The following STK24 variants were observed in gnomAD, a reference collection of about 807,000 sequenced individuals.
The protein encoded by STK24 is serine/threonine kinase 24.
Under a neutral mutation model 55.6 loss-of-function variants are expected in STK24, and 21 were observed. The observed-to-expected ratio is 0.38, with a 90% confidence interval of 0.27 to 0.54. The LOEUF (loss-of-function observed/expected upper bound fraction) is 0.54, where lower values mean the gene tolerates loss of function less well. Ranked by LOEUF, STK24 falls within the 20% of genes least tolerant of loss-of-function variation. The probability of loss-of-function intolerance (pLI) is 0.79; values close to 1 mark genes in which losing one functional copy is unlikely to be tolerated. For synonymous variants in STK24, 200 were observed against 215.2 expected (o/e 0.93, Z 0.62); for missense variants, 383 against 538.4 (o/e 0.71, Z 2.86).
At chr13:98,472,683 C>T (rs930546786) in intron 5 of STK24, among the ~76,000 whole-genome samples, 3 of 152,192 alleles carry the variant, frequency 2.0e-5, no homozygotes, top group African/African-American at 7.2e-5. Flanking sequence ...TGTAATACAA[C>T]TTTTTTCCTC....
chr13:98,552,653 G>A (rs898162474), intron 1 of STK24, among the ~76,000 whole-genome samples: 4 of 152,030 alleles, frequency 2.6e-5, no homozygotes, highest in African/African-American at 7.3e-5. Flanking sequence ...TACCGAGGGC[G>A]CCTTGAGAAC....
At chr13:98,511,827 T>TGGTG (rs780702061) in intron 2 of STK24, among the ~76,000 whole-genome samples, 2 of 152,076 alleles carry the variant, frequency 1.3e-5, no homozygotes, top group Non-Finnish European at 2.9e-5. Flanking sequence ...GTCCCATGTG[T>TGGTG]GGTGGTACTT....
intron 1 of STK24, among the ~76,000 whole-genome samples, chr13:98,521,273 A>G (rs1012481376): frequency 1.4e-5 from 2 of 146,032 alleles, no homozygotes; most frequent in African/African-American, 5.0e-5. Flanking sequence ...AGAGGCATTT[A>G]ATTTTTTTCC....
chr13:98,510,973 C>T (rs899911711), intron 2 of STK24, among the ~76,000 whole-genome samples: 4 of 152,108 alleles, frequency 2.6e-5, no homozygotes, highest in East Asian at 1.9e-4. Flanking sequence ...AAGGCTATTC[C>T]GAACAACCAC....
chr13:98,491,467 A>T (rs1038782418), intron 2 of STK24, among the ~76,000 whole-genome samples: 12 of 152,186 alleles, frequency 7.9e-5, no homozygotes, highest in Non-Finnish European at 1.5e-4. Flanking sequence ...ACATCAACTT[A>T]AACATAGGGG....
chr13:98,528,089 G>A (rs748674149), intron 1 of STK24, among the ~76,000 whole-genome samples: 19 of 152,132 alleles, frequency 1.2e-4, no homozygotes, highest in Non-Finnish European at 2.1e-4. Context: ...GGTTCCCACT[G>A]GGCCACCGGA....
At chr13:98,519,869 CA>C (rs1210092005) in intron 1 of STK24, among the ~76,000 whole-genome samples, 2 of 152,116 alleles carry the variant, frequency 1.3e-5, no homozygotes, top group East Asian at 1.9e-4. Context: ...ACCCAATCCC[CA>C]AAAGTTCCTG....
At chr13:98,573,463 G>T (rs1163240505) in intron 1 of STK24, among the ~76,000 whole-genome samples, 1 of 152,118 alleles carries the variant, frequency 6.6e-6, no homozygotes. Flanking sequence ...TTCAGTTTCT[G>T]ATGTCTATTT....
At chr13:98,463,413 A>G (rs1461468657) in intron 7 of STK24, among the ~76,000 whole-genome samples, 1 of 152,200 alleles carries the variant, frequency 6.6e-6, no homozygotes, top group Non-Finnish European at 1.5e-5. Flanking sequence ...AAAACAGAAC[A>G]GAACAGAACG....
chr13:98,446,633 G>C lies in STK24; in HGVS notation c.*6540C>G. 2 of 1,610,544 alleles carry C rather than the reference G, an allele frequency of 1.2e-6. No individual in the cohort carries two copies. Among genetic ancestry groups the C allele is most frequent in the Non-Finnish European group, 1.7e-6 (2 of 1,177,474 alleles). The stretch of plus-strand genomic sequence containing the variant: ...AGGCCCAGCAGCAGAAGCTGACCCC[G>C]AAAAGCCACTTTGCTTTGTTTCCCC... On this transcript the variant is annotated 3_prime_UTR_variant, in exon 11 of 11. Transcript: ENST00000539966.
intron 1 of STK24, among the ~76,000 whole-genome samples, chr13:98,535,201 G>A (rs1409005494): frequency 6.6e-6 from 1 of 152,122 alleles, no homozygotes; most frequent in Non-Finnish European, 1.5e-5. Context: ...GCTGGGCGTG[G>A]TGGCACGTGT....
At chr13:98,507,782 C>G (rs1458971471) in intron 2 of STK24, among the ~76,000 whole-genome samples, 1 of 152,168 alleles carries the variant, frequency 6.6e-6, no homozygotes, top group East Asian at 1.9e-4. Flanking sequence ...AGCACAGAGT[C>G]AGGAAGGCGG....
intron 1 of STK24, among the ~76,000 whole-genome samples, chr13:98,541,037 C>T (rs193115316): frequency 2.9e-4 from 44 of 152,250 alleles, no homozygotes; most frequent in South Asian, 1.0e-3. Context: ...TACCCCAGCA[C>T]CTGGACGCAT....
In STK24 at chr13:98,449,208, A is replaced by C. The variant is rs1893060643; in HGVS notation, c.*3965T>G. The C allele has an allele frequency of 6.6e-6, 1 of 152,260 alleles. No homozygotes were observed. The highest frequency in any genetic ancestry group is 1.5e-5 in the Non-Finnish European group (1 of 68,058). The allele number at this position is 152,260 out of a possible 1,614,324, so 9.4% of individuals were successfully genotyped here. Reference sequence around the variant, plus strand: ...TTAGTGAGCCTGCTGGCTGCAGAGCACTATGAAATCATGGTACGTAGTCCC... The same window carrying C: ...TTAGTGAGCCTGCTGGCTGCAGAGCCCTATGAAATCATGGTACGTAGTCCC... On this transcript the variant is annotated 3_prime_UTR_variant, in exon 11 of 11. Coordinates refer to ENST00000539966, the MANE Select transcript of STK24 (RefSeq NM_001032296.4).
In STK24 at chr13:98,574,018, A is replaced by AT. The variant is rs753527283; in HGVS notation, c.42+2726dup. ...TCACTCTGCTTTATTTTTTTATTTTATTTTTTTTTTTGAGACGGAGTCTGC... is the reference window on the plus strand; with the variant it reads ...TCACTCTGCTTTATTTTTTTATTTTATTTTTTTTTTTTGAGACGGAGTCTGC... On this transcript the variant is annotated intron_variant, in intron 1 of 10. Transcript: ENST00000539966. Among the ~76,000 whole-genome samples, 602 of 142,766 alleles carry AT rather than the reference A, an allele frequency of 4.2e-3. 3 individuals carry two copies. Among genetic ancestry groups the AT allele is most frequent in the African/African-American group, 0.011 (408 of 38,698 alleles). The allele number at this position is 142,766 out of a possible 152,430, so 93.7% of individuals were successfully genotyped here.
chr13:98,482,226 A>C (rs368813195), intron 3 of STK24, 39 bp downstream of exon 3: 1 of 1,234,518 alleles, frequency 8.1e-7, no homozygotes, highest in Non-Finnish European at 1.1e-6. Flanking sequence ...TCCTGAGAAA[A>C]AGCTTTGATA....
At chr13:98,526,720 T>C (rs1324311502) in intron 1 of STK24, among the ~76,000 whole-genome samples, 1 of 152,228 alleles carries the variant, frequency 6.6e-6, no homozygotes, top group African/African-American at 2.4e-5. Context: ...GGGTTGTGCA[T>C]TTCTGCTGTG....
intron 1 of STK24, among the ~76,000 whole-genome samples, chr13:98,563,451 C>T (rs1008301141): frequency 3.9e-5 from 6 of 152,088 alleles, no homozygotes; most frequent in African/African-American, 1.2e-4. Flanking sequence ...TCAGATTCTT[C>T]GATAACAAAG....
chr13:98,576,027 G>A (rs1594683065), intron 1 of STK24: 1 of 985,236 alleles, frequency 1.0e-6, no homozygotes, highest in South Asian at 4.7e-5. Flanking sequence ...AAGAATTCCT[G>A]TAAATGCAAC....
Sources: gnomAD v4.1 joint callset for allele counts (sites outside exome capture counted in the v4.1 genomes callset) on GRCh38, gnomAD v4.1.1 for gene constraint, MANE v1.5 for transcripts, NCBI Gene and HGNC (gene_info 2026-07-23, HGNC 2026-07-21) for gene names.